The following CSPP1 variants were observed in gnomAD, a reference collection of about 807,000 sequenced individuals.
The protein encoded by CSPP1 is centrosome and spindle pole-associated protein 1.
Under a neutral mutation model 164.4 loss-of-function variants are expected in CSPP1, and 126 were observed. The observed-to-expected ratio is 0.77, with a 90% CI of 0.66 to 0.89. CSPP1 has a LOEUF of 0.89. Among genes scored for constraint, CSPP1 ranks in the 40% least tolerant of loss-of-function variants. CSPP1 has a pLI of 0.00. For missense variants in CSPP1, 1,395 were observed against 1,449.8 expected (o/e 0.96, Z 0.61); for synonymous variants, 472 against 476.7 (o/e 0.99, Z 0.13).
chr8:67,099,088 A>G (rs531209210), intron 7 of CSPP1, among the ~76,000 whole-genome samples: 5 of 152,038 alleles, frequency 3.3e-5, no homozygotes, highest in Non-Finnish European at 7.4e-5. Context: ...CTTGTCTTCA[A>G]GGAAATAGGG....
At chr8:67,144,904 T>TAAA (rs771851246) in intron 17 of CSPP1, among the ~76,000 whole-genome samples, 1 of 125,852 alleles carries the variant, frequency 7.9e-6, no homozygotes, top group African/African-American at 2.9e-5. Flanking sequence ...CTATCTCTAC[T>TAAA]AAAAAAAAAA....
intron 22 of CSPP1, among the ~76,000 whole-genome samples, chr8:67,162,214 A>G (rs1330476969): frequency 1.3e-5 from 2 of 152,220 alleles, no homozygotes; most frequent in African/African-American, 4.8e-5. Context: ...AAAATGTTCT[A>G]AGATTGATCC....
intron 19 of CSPP1, among the ~76,000 whole-genome samples, chr8:67,157,451 A>G (rs1826894389): frequency 6.6e-6 from 1 of 152,044 alleles, no homozygotes; most frequent in South Asian, 2.1e-4. Context: ...ACACACCACC[A>G]CGCCTGGCTA....
intron 16 of CSPP1, among the ~76,000 whole-genome samples, chr8:67,132,638 G>C (rs1414999986): frequency 6.6e-6 from 1 of 152,128 alleles, no homozygotes. Flanking sequence ...GGGGACGTTG[G>C]GGAAGACATC....
Position 67,177,674 on chromosome 8 carries a change from C to A in CSPP1, c.3110-6C>A. The A allele has an allele frequency of 1.2e-6, 2 of 1,603,322 alleles. No individual in the cohort carries two copies. The highest frequency in any genetic ancestry group is 8.5e-7 in the Non-Finnish European group (1 of 1,171,006). The stretch of plus-strand genomic sequence containing the variant: ...TTAATTTGCTTTTGTTCTCCATTGA[C>A]TACAGTTGACTTAGATGCCATCCCA... On this transcript the variant is annotated splice_region_variant and splice_polypyrimidine_tract_variant and intron_variant, in intron 26 of 30. Coordinates refer to ENST00000678616, the MANE Select transcript of CSPP1 (RefSeq NM_001382391.1).
At chr8:67,113,259 A>C (rs554839137) in intron 10 of CSPP1, among the ~76,000 whole-genome samples, 1 of 152,174 alleles carries the variant, frequency 6.6e-6, no homozygotes, top group Admixed American at 6.5e-5. Context: ...AACAACAAAA[A>C]CAACAACAAC....
At chr8:67,188,815 C>T (rs559855000) in intron 28 of CSPP1, among the ~76,000 whole-genome samples, 12 of 152,272 alleles carry the variant, frequency 7.9e-5, no homozygotes, top group African/African-American at 2.6e-4. Flanking sequence ...GCTAAGTGCC[C>T]GGGTTTGTCC....
chr8:67,116,213 T>C lies in CSPP1; in HGVS notation c.1496+91T>C. On this transcript the variant is annotated intron_variant, in intron 13 of 30. Transcript: ENST00000678616. ...GATATACTGAAGCGGATGACGTTAT[T>C]CTTCAGAGATTTTGTACAGTTAACA... The C allele has an allele frequency of 3.3e-6, 3 of 915,026 alleles. No homozygotes were observed. In the South Asian group the frequency reaches 4.6e-5, roughly 14 times the overall value. 56.7% of individuals were successfully genotyped at this position (915,026 alleles called of 1,614,324 possible). A position where few individuals can be genotyped will look rare whatever the true frequency, so the allele number is the denominator to read the frequency against.
rs1189764966 is a variant in CSPP1, at chr8:67,195,754, T to TAA, written c.*164_*165dup. On this transcript the variant is annotated 3_prime_UTR_variant, in exon 31 of 31. Transcript: ENST00000678616. ...TCATGATGTATATTATGTACATAAA[T>TAA]AAAAGGCCATGATTATTGATTTATA... 2 of 607,938 alleles carry TAA rather than the reference T, an allele frequency of 3.3e-6. No homozygotes were observed. Among genetic ancestry groups the TAA allele is most frequent in the Non-Finnish European group, 5.9e-6 (2 of 339,166 alleles). The allele number at this position is 607,938 out of a possible 1,614,324, so 37.7% of individuals were successfully genotyped here. A position where few individuals can be genotyped will look rare whatever the true frequency, so the allele number is the denominator to read the frequency against.
intron 7 of CSPP1, among the ~76,000 whole-genome samples, chr8:67,099,018 C>T (rs533376452): frequency 6.6e-6 from 1 of 151,328 alleles, no homozygotes; most frequent in African/African-American, 2.4e-5. Flanking sequence ...TTGGCCTGTA[C>T]CCTATACCTG....
chr8:67,120,000 T>G lies in CSPP1; in HGVS notation c.1697+1179T>G, dbSNP rs564560143. ...ATTTTCTTGTGAGAGTTTTATAATTTTAGGTCTTATGTTGAGCTGTTTGAG... is the reference window on the plus strand; with the variant it reads ...ATTTTCTTGTGAGAGTTTTATAATTGTAGGTCTTATGTTGAGCTGTTTGAG... On this transcript the variant is annotated intron_variant, in intron 15 of 30. Transcript: ENST00000678616. Among the ~76,000 whole-genome samples the G allele has an allele frequency of 1.1e-4, 17 of 152,298 alleles. 1 individual carries two copies. The highest frequency in any genetic ancestry group is 3.4e-3 in the Middle Eastern group (1 of 294).
At chr8:67,139,497 A>G (rs1823044001) in intron 17 of CSPP1, among the ~76,000 whole-genome samples, 1 of 152,218 alleles carries the variant, frequency 6.6e-6, no homozygotes, top group Non-Finnish European at 1.5e-5. Flanking sequence ...TACTGGGTAT[A>G]TACCCAAAGG....
At chr8:67,151,364 T>C (rs1454011094) in intron 18 of CSPP1, among the ~76,000 whole-genome samples, 1 of 152,170 alleles carries the variant, frequency 6.6e-6, no homozygotes, top group Non-Finnish European at 1.5e-5. Flanking sequence ...GCTAAGAGAA[T>C]TTTGACTTAT....
intron 18 of CSPP1, 46 bp downstream of exon 18, chr8:67,149,981 A>G: frequency 7.0e-7 from 1 of 1,430,422 alleles, no homozygotes; most frequent in South Asian, 1.6e-5. Flanking sequence ...TACATTTCTG[A>G]AATTGTTCAG....
Position 67,131,919 on chromosome 8 carries a change from G to T in CSPP1, c.1698-32G>T, listed in dbSNP as rs750997746. 1.9e-6 allele frequency: 3 copies of T among 1,549,586 alleles called. No homozygotes were observed. In the South Asian group the frequency reaches 3.6e-5, roughly 19 times the overall value. ...TTTTCTTCTTGCTTTGTCGTCAATGGATTTAAATTATTTATTGTGTATTTG... is the reference window on the plus strand; with the variant it reads ...TTTTCTTCTTGCTTTGTCGTCAATGTATTTAAATTATTTATTGTGTATTTG... On this transcript the variant is annotated intron_variant, in intron 15 of 30. Coordinates refer to ENST00000678616, the MANE Select transcript of CSPP1 (RefSeq NM_001382391.1).
At chr8:67,131,302 G>A (rs1044268237) in intron 15 of CSPP1, among the ~76,000 whole-genome samples, 2 of 152,034 alleles carry the variant, frequency 1.3e-5, no homozygotes, top group African/African-American at 2.4e-5. Context: ...TGGAAGGATC[G>A]CTTGATTCCA....
At chr8:67,194,576 CAGA>C (rs1348798147) in intron 30 of CSPP1, among the ~76,000 whole-genome samples, 1 of 151,888 alleles carries the variant, frequency 6.6e-6, no homozygotes, top group Non-Finnish European at 1.5e-5. Flanking sequence ...GAATCTTTTT[CAGA>C]AGGTTTTTAA....
intron 17 of CSPP1, among the ~76,000 whole-genome samples, chr8:67,144,933 G>A (rs113038814): frequency 6.3e-4 from 96 of 151,666 alleles, no homozygotes; most frequent in African/African-American, 2.1e-3. Context: ...TTAGCTGTGT[G>A]TGGTGGTGTG....
intron 5 of CSPP1, among the ~76,000 whole-genome samples, chr8:67,092,925 G>A (rs373644002): frequency 6.6e-6 from 1 of 151,796 alleles, no homozygotes; most frequent in African/African-American, 2.4e-5. Context: ...TTTAACCTTG[G>A]AAAGCAAATG....
Sources: allele counts gnomAD v4.1 joint callset (sites outside exome capture counted in the v4.1 genomes callset), GRCh38; gene constraint gnomAD v4.1.1; transcripts MANE v1.5; gene names NCBI Gene and HGNC (gene_info 2026-07-23, HGNC 2026-07-21).